The following ANO5 variants were observed in gnomAD, a reference collection of about 807,000 sequenced individuals.
ANO5 encodes the protein anoctamin-5.
Under a neutral mutation model 121.0 loss-of-function variants are expected in ANO5, and 109 were observed. That is an observed-to-expected ratio of 0.90 (90% CI 0.77 to 1.06). ANO5 has a LOEUF of 1.06. Among genes scored for constraint, ANO5 ranks in the 50% least tolerant of loss-of-function variants. ANO5 has a pLI of 0.00. For synonymous variants in ANO5, 406 were observed against 359.9 expected, an observed-to-expected ratio of 1.13 and a Z score of -1.45; for missense variants, 1,064 against 1,078.5, an observed-to-expected ratio of 0.99 and a Z score of 0.19.
chr11:22,203,822 A>C lies in ANO5; in HGVS notation c.59A>C (p.His20Pro), dbSNP rs1370858251. ...AATTTAGGGGAAAAAGTCAATAAGC[A>C]TATAGACTACTCTTTCCAAATGAGT... ...LAEEGEKVNK[H>P]IDYSFQMSEQ... Residue 20 changes from histidine to proline, a missense_variant, in exon 2 of 22, where the codon CAT becomes CCT. By Grantham distance (77) the His-to-Pro change is moderately conservative. Coordinates refer to ENST00000324559, the MANE Select transcript of ANO5 (RefSeq NM_213599.3). The C allele has an allele frequency of 6.8e-7, 1 of 1,475,066 alleles. No homozygotes were observed. Among genetic ancestry groups the C allele is most frequent in the East Asian group, 2.3e-5 (1 of 43,422 alleles). 91.4% of individuals were successfully genotyped at this position (1,475,066 alleles called of 1,614,324 possible). A position where few individuals can be genotyped will look rare whatever the true frequency, so the allele number is the denominator to read the frequency against.
chr11:22,264,197 G>A (rs1854286944), intron 17 of ANO5, among the ~76,000 whole-genome samples: 1 of 151,766 alleles, frequency 6.6e-6, no homozygotes, highest in South Asian at 2.1e-4. Flanking sequence ...CTAAGTTTCT[G>A]TATTTTTAGT....
intron 1 of ANO5, among the ~76,000 whole-genome samples, chr11:22,193,996 G>T (rs1027092544): frequency 4.6e-5 from 7 of 152,158 alleles, no homozygotes; most frequent in Admixed American, 1.3e-4. Flanking sequence ...CACTCTCTCT[G>T]CCCGTTACTT....
At chr11:22,216,016 ATTGT>A (rs1340253567) in intron 3 of ANO5, among the ~76,000 whole-genome samples, 2 of 151,854 alleles carry the variant, frequency 1.3e-5, no homozygotes, top group Non-Finnish European at 2.9e-5. Flanking sequence ...TAGAGATATT[ATTGT>A]TTATTTTATT....
intron 4 of ANO5, among the ~76,000 whole-genome samples, chr11:22,220,437 G>A (rs1852602859): frequency 6.6e-6 from 1 of 151,984 alleles, no homozygotes; most frequent in Admixed American, 6.6e-5. Flanking sequence ...ACACGTGAAA[G>A]TTGAACTTGT....
intron 5 of ANO5, among the ~76,000 whole-genome samples, chr11:22,222,199 T>C (rs1239742562): frequency 6.6e-6 from 1 of 152,038 alleles, no homozygotes; most frequent in African/African-American, 2.4e-5. Context: ...TTCCTGAGAT[T>C]TAAATCTCAT....
intron 8 of ANO5, among the ~76,000 whole-genome samples, chr11:22,238,749 T>C (rs982287887): frequency 6.6e-6 from 1 of 152,148 alleles, no homozygotes; most frequent in Admixed American, 6.6e-5. Flanking sequence ...ACTTTCTTTT[T>C]CTTTTATTAT....
At chr11:22,236,780 C>T (rs1354326410) in intron 8 of ANO5, among the ~76,000 whole-genome samples, 2 of 152,152 alleles carry the variant, frequency 1.3e-5, no homozygotes, top group Non-Finnish European at 2.9e-5. Context: ...AGAAATAAAG[C>T]ATGTGTACAA....
At chr11:22,248,471 A>G (rs1853695425) in intron 9 of ANO5, among the ~76,000 whole-genome samples, 1 of 152,054 alleles carries the variant, frequency 6.6e-6, no homozygotes, top group African/African-American at 2.4e-5. Flanking sequence ...TGTGATTTCA[A>G]TAATGTATGC....
At chr11:22,276,279 A>G (rs1564954260) in intron 21 of ANO5, 80 bp downstream of exon 21, 3 of 1,152,776 alleles carry the variant, frequency 2.6e-6, no homozygotes, top group South Asian at 1.3e-5. Context: ...TCTCATCAGA[A>G]AGTTAGCAAT....
intron 18 of ANO5, among the ~76,000 whole-genome samples, chr11:22,271,065 CTG>C (rs911632258): frequency 9.2e-5 from 14 of 152,180 alleles, no homozygotes; most frequent in African/African-American, 2.9e-4. Context: ...ATTAAGGAAA[CTG>C]TTTGAGACAG....
chr11:22,269,488 GAAAAAAGAAAAGGAAGGAAAGAA>G (rs1854521907), intron 17 of ANO5, among the ~76,000 whole-genome samples: 1 of 12,148 alleles, frequency 8.2e-5, no homozygotes, highest in Admixed American at 9.1e-4. Context: ...AGAAAGGAAA[GAAAAAAGAAAAGGAAGGAAAGAA>G]AAAAAGAAAA....
At chr11:22,197,691 G>A (rs1851854200) in intron 1 of ANO5, among the ~76,000 whole-genome samples, 1 of 152,172 alleles carries the variant, frequency 6.6e-6, no homozygotes, top group African/African-American at 2.4e-5. Flanking sequence ...TTGGGCTGTG[G>A]ATTTGCTGGA....
At chr11:22,239,968 G>C (rs1399070668) in intron 9 of ANO5, among the ~76,000 whole-genome samples, 1 of 151,952 alleles carries the variant, frequency 6.6e-6, no homozygotes, top group Non-Finnish European at 1.5e-5. Flanking sequence ...ATTTGGTCAA[G>C]TTACTTAACC....
intron 1 of ANO5, among the ~76,000 whole-genome samples, 160 bp downstream of exon 1, chr11:22,193,692 C>T (rs923802700): frequency 6.6e-5 from 10 of 152,176 alleles, no homozygotes; most frequent in South Asian, 2.1e-4. Flanking sequence ...GACTGCGGGG[C>T]AGAGTCCCCC....
intron 3 of ANO5, among the ~76,000 whole-genome samples, chr11:22,214,025 C>A (rs1311773271): frequency 6.6e-6 from 1 of 151,962 alleles, no homozygotes; most frequent in South Asian, 2.1e-4. Flanking sequence ...ACCTTGGCCT[C>A]CCTGAGATTA....
Position 22,259,817 on chromosome 11 carries a change from C to G in ANO5, c.1630+76C>G, listed in dbSNP as rs371891828. The stretch of plus-strand genomic sequence containing the variant: ...GCTATATGTCTATTTTGGATCAGGT[C>G]TCCAGGAGTTCATTTTCAAAGGACA... On this transcript the variant is annotated intron_variant, in intron 15 of 21. Transcript: ENST00000324559. 62 of 1,384,122 alleles carry G rather than the reference C, an allele frequency of 4.5e-5. No individual in the cohort carries two copies. The East Asian group carries it at 1.4e-3, about 30-fold the overall frequency. 85.7% of individuals were successfully genotyped at this position (1,384,122 alleles called of 1,614,324 possible). A position where few individuals can be genotyped will look rare whatever the true frequency, so the allele number is the denominator to read the frequency against.
intron 18 of ANO5, 137 bp downstream of exon 18, chr11:22,270,579 G>T: frequency 2.3e-6 from 3 of 1,278,948 alleles, no homozygotes; most frequent in Non-Finnish European, 2.2e-6. Context: ...ATGAGTGGAG[G>T]GATATAAAGA....
chr11:22,238,278 GT>G (rs377518041), intron 8 of ANO5, among the ~76,000 whole-genome samples: 46 of 137,062 alleles, frequency 3.4e-4, no homozygotes, highest in South Asian at 1.4e-3. Context: ...AGACCTCATA[GT>G]TTTTTTTTTT....
At chr11:22,265,922 G>C (rs1854344864) in intron 17 of ANO5, among the ~76,000 whole-genome samples, 2 of 152,170 alleles carry the variant, frequency 1.3e-5, no homozygotes, top group Admixed American at 1.3e-4. Context: ...AGAGATTGTA[G>C]AAACAGATAT....
Sources: gnomAD v4.1 joint callset for allele counts (sites outside exome capture counted in the v4.1 genomes callset) on GRCh38, gnomAD v4.1.1 for gene constraint, MANE v1.5 for transcripts, NCBI Gene and HGNC (gene_info 2026-07-23, HGNC 2026-07-21) for gene names.